WFDC10B: variants seen among roughly 807,000 people sequenced by gnomAD.
The protein encoded by WFDC10B is protein WFDC10B.
A neutral mutation model predicts 2.7 loss-of-function variants in WFDC10B; 1 was observed. That is an observed-to-expected ratio of 0.38 (90% confidence interval 0.13 to 1.79). The LOEUF (loss-of-function observed/expected upper bound fraction) is 1.79, where lower values mean the gene tolerates loss of function less well. WFDC10B is among the 40% of genes most tolerant of loss of function. WFDC10B has a pLI of 0.33. For missense variants in WFDC10B, 71 were observed against 87.8 expected, an observed-to-expected ratio of 0.81 and a Z score of 0.76; for synonymous variants, 26 against 32.2, an observed-to-expected ratio of 0.81 and a Z score of 0.65.
chr20:45,686,531 A>C (rs1983625475), intron 2 of WFDC10B, among the ~76,000 whole-genome samples: 1 of 136,860 alleles, frequency 7.3e-6, no homozygotes. Context: ...GAAAAGACAT[A>C]ATTTTTTTGG....
At chr20:45,689,762 A>C (rs1983747370) in intron 2 of WFDC10B, among the ~76,000 whole-genome samples, 1 of 152,228 alleles carries the variant, frequency 6.6e-6, no homozygotes, top group South Asian at 2.1e-4. Flanking sequence ...GGGGTTTTCT[A>C]GATATGCAAT....
chr20:45,691,474 G>C (rs1467577880), intron 2 of WFDC10B, among the ~76,000 whole-genome samples: 1 of 150,542 alleles, frequency 6.6e-6, no homozygotes, highest in Non-Finnish European at 1.5e-5. Context: ...GGGAGTCTAA[G>C]TCTCTTTGTA....
At chr20:45,690,148 A>G (rs1416015161) in intron 2 of WFDC10B, among the ~76,000 whole-genome samples, 1 of 151,856 alleles carries the variant, frequency 6.6e-6, no homozygotes, top group Non-Finnish European at 1.5e-5. Flanking sequence ...ACATTTATTG[A>G]TTTGCGTATA....
intron 2 of WFDC10B, among the ~76,000 whole-genome samples, chr20:45,702,727 A>G (rs76530431): frequency 2.2e-4 from 33 of 152,286 alleles, no homozygotes; most frequent in Admixed American, 2.2e-3. Context: ...GGTACTGTAC[A>G]ATTACCGGTA....
Position 45,686,021 on chromosome 20 carries a change from C to G in WFDC10B, c.-29G>C. 6.2e-7 allele frequency: 1 copy of G among 1,610,762 alleles called. No individual in the cohort carries two copies. The highest frequency in any genetic ancestry group is 8.5e-7 in the Non-Finnish European group (1 of 1,178,460). ...TCTGACCAGAGCGTGAGCCCTAAGT[C>G]TGGCCAGGCAGTCACAGACTTCCCT... On this transcript the variant is annotated 5_prime_UTR_variant, in exon 3 of 4. Coordinates refer to ENST00000330523, the MANE Select transcript of WFDC10B (RefSeq NM_172006.2).
In WFDC10B at chr20:45,701,752, A is replaced by G. The variant is rs1448678982; in HGVS notation, c.-65+2745T>C. Among the ~76,000 whole-genome samples the G allele has an allele frequency of 2.1e-5, 3 of 144,612 alleles. No individual in the cohort carries two copies. In the East Asian group the frequency reaches 6.2e-4, roughly 30 times the overall value. The allele number at this position is 144,612 out of a possible 152,430, so 94.9% of individuals were successfully genotyped here. ...ACTCCAGCCTGGGTGACAGAGCCAGACTCCATCATCTCAAAAAAAAAAAAA... is the reference window on the plus strand; with the variant it reads ...ACTCCAGCCTGGGTGACAGAGCCAGGCTCCATCATCTCAAAAAAAAAAAAA... On this transcript the variant is annotated intron_variant, in intron 2 of 3. Transcript: ENST00000330523.
At chr20:45,693,848 A>T (rs1316603039) in intron 2 of WFDC10B, among the ~76,000 whole-genome samples, 1 of 152,184 alleles carries the variant, frequency 6.6e-6, no homozygotes, top group Admixed American at 6.5e-5. Context: ...ACCTGCGCCC[A>T]CTGTCTGGCA....
chr20:45,704,946 A>G lies in WFDC10B; in HGVS notation c.-158T>C. 6.2e-7 allele frequency: 1 copy of G among 1,614,028 alleles called. No individual in the cohort carries two copies. Among genetic ancestry groups the G allele is most frequent in the Non-Finnish European group, 8.5e-7 (1 of 1,180,008 alleles). ...CAGGTGTAACCAAAATCCCAAAGCAAAATTTGTCCTACACTTTTGCTTGCC... is the reference window on the plus strand; with the variant it reads ...CAGGTGTAACCAAAATCCCAAAGCAGAATTTGTCCTACACTTTTGCTTGCC... On this transcript the variant is annotated 5_prime_UTR_variant, in exon 1 of 4. Transcript: ENST00000330523.
chr20:45,703,648 G>A (rs2145644827), intron 2 of WFDC10B, among the ~76,000 whole-genome samples: 1 of 152,226 alleles, frequency 6.6e-6, no homozygotes, highest in Non-Finnish European at 1.5e-5. Flanking sequence ...AGGAGATTGT[G>A]GGTTGTGGAC....
intron 2 of WFDC10B, among the ~76,000 whole-genome samples, chr20:45,693,927 C>G (rs374116393): frequency 2.6e-5 from 4 of 152,142 alleles, no homozygotes; most frequent in African/African-American, 9.7e-5. Flanking sequence ...TCATCGCTCA[C>G]GCTAGGAGCT....
chr20:45,693,060 C>T (rs1464520707), intron 2 of WFDC10B, among the ~76,000 whole-genome samples: 1 of 152,210 alleles, frequency 6.6e-6, no homozygotes, highest in Non-Finnish European at 1.5e-5. Context: ...GGACCCTTAG[C>T]TGCAGGTCTG....
intron 2 of WFDC10B, among the ~76,000 whole-genome samples, chr20:45,692,777 T>A (rs200786868): frequency 6.6e-6 from 1 of 152,072 alleles, no homozygotes; most frequent in African/African-American, 2.4e-5. Context: ...TTGGTTTGAA[T>A]TTCCTCCTGT....
intron 2 of WFDC10B, among the ~76,000 whole-genome samples, chr20:45,690,324 G>A (rs1457743148): frequency 5.1e-4 from 78 of 151,958 alleles, no homozygotes; most frequent in African/African-American, 1.7e-3. Context: ...GTCTCTGCCC[G>A]GCTTTGGTAT....
At chr20:45,696,200 C>A (rs554908871) in intron 2 of WFDC10B, among the ~76,000 whole-genome samples, 24 of 150,386 alleles carry the variant, frequency 1.6e-4, no homozygotes, top group Non-Finnish European at 3.2e-4. Flanking sequence ...GCAGGAGAAT[C>A]GCTTGAACCC....
chr20:45,698,908 C>G (rs1984057870), intron 2 of WFDC10B, among the ~76,000 whole-genome samples: 2 of 144,384 alleles, frequency 1.4e-5, no homozygotes, highest in Admixed American at 7.2e-5. Flanking sequence ...GTGGAGGTTG[C>G]AGTGAGCTGA....
At chr20:45,685,092 C>A (rs751065078) in intron 3 of WFDC10B, 132 bp from the exon 4 acceptor site, 43 of 1,166,316 alleles carry the variant, frequency 3.7e-5, no homozygotes, top group Non-Finnish European at 4.8e-5. Flanking sequence ...CTTCAGGGAA[C>A]TTCCTTCCAG....
intron 3 of WFDC10B, 96 bp from the exon 4 acceptor site, chr20:45,685,056 C>T (rs927970244): frequency 2.3e-5 from 35 of 1,521,478 alleles, no homozygotes; most frequent in Non-Finnish European, 3.1e-5. Context: ...ACCAAGGCAC[C>T]CCTGCCACCA....
chr20:45,703,829 G>T (rs1221916269), intron 2 of WFDC10B, among the ~76,000 whole-genome samples: 1 of 152,162 alleles, frequency 6.6e-6, no homozygotes, highest in African/African-American at 2.4e-5. Context: ...GAAGAAAAAA[G>T]CTGAATCTTT....
At chr20:45,688,134 T>G (rs1206442661) in intron 2 of WFDC10B, among the ~76,000 whole-genome samples, 1 of 151,100 alleles carries the variant, frequency 6.6e-6, no homozygotes, top group Non-Finnish European at 1.5e-5. Context: ...GTTTGGTTTT[T>G]TGTTCTTGCG....
Sources: allele counts gnomAD v4.1 joint callset (sites outside exome capture counted in the v4.1 genomes callset), GRCh38; gene constraint gnomAD v4.1.1; transcripts MANE v1.5; gene names NCBI Gene and HGNC (gene_info 2026-07-23, HGNC 2026-07-21).